LMO1: variants seen among roughly 807,000 people sequenced by gnomAD.
LMO1 encodes rhombotin-1.
In LMO1, 10 loss-of-function variants were observed where a neutral mutation model predicts 18.0. The observed-to-expected ratio is 0.55, with a 90% CI of 0.34 to 0.94. LMO1 has a LOEUF of 0.94. Ranked by LOEUF, LMO1 falls within the 40% of genes least tolerant of loss-of-function variation. The probability of loss-of-function intolerance (pLI) is 0.02; values close to 1 mark genes in which losing one functional copy is unlikely to be tolerated. For synonymous variants in LMO1, 77 were observed against 77.9 expected (o/e 0.99, Z 0.06); for missense variants, 183 against 205.7 (o/e 0.89, Z 0.68).
At chr11:8,266,038 G>C (rs899906759), upstream of LMO1, among the ~76,000 whole-genome samples, 1 of 152,186 alleles carries the variant, frequency 6.6e-6, no homozygotes, top group South Asian at 2.1e-4. Context: ...TGGGGAGTCA[G>C]GGCCCTGTGC....
rs961201669 is a variant in LMO1 at position 8,257,755 on chromosome 11, G to A, written c.25+5583C>T. On this transcript the variant is annotated intron_variant, in intron 1 of 3. Transcript: ENST00000335790. ...GTCTTGGTGATCTGGACGTGGGCGA[G>A]TAGTGAGGTCAGCCTGCCTCCCAGG... Among the ~76,000 whole-genome samples, 6 of 152,246 alleles carry A rather than the reference G, an allele frequency of 3.9e-5. No individual in the cohort carries two copies. In the South Asian group the frequency reaches 1.2e-3, roughly 32 times the overall value.
rs534458134 is a variant in LMO1, at chr11:8,262,963, G to C, written c.25+375C>G. On this transcript the variant is annotated intron_variant, in intron 1 of 3. Transcript: ENST00000335790. The stretch of plus-strand genomic sequence containing the variant: ...GGCGCGAGGGTGATGGCTGCGGTGA[G>C]AGCAGCAGCCTCAGACACGAAATGC... 1.1e-3 allele frequency among the ~76,000 whole-genome samples: 168 copies of C among 152,332 alleles called. 1 individual carries two copies. Among genetic ancestry groups the C allele is most frequent in the Non-Finnish European group, 2.0e-3 (139 of 68,012 alleles).
At chr11:8,266,543 G>A (rs762679556), upstream of LMO1, among the ~76,000 whole-genome samples, 3 of 152,202 alleles carry the variant, frequency 2.0e-5, no homozygotes, top group African/African-American at 4.8e-5. Flanking sequence ...AAATGCCCTC[G>A]AAATGCCTCT....
chr11:8,260,114 C>G (rs886283508), intron 1 of LMO1, among the ~76,000 whole-genome samples: 2 of 152,168 alleles, frequency 1.3e-5, no homozygotes, highest in African/African-American at 4.8e-5. Flanking sequence ...CCCAGTCCCC[C>G]ACAGACCAAA....
At chr11:8,254,825 T>C (rs1419281879) in intron 1 of LMO1, among the ~76,000 whole-genome samples, 1 of 152,210 alleles carries the variant, frequency 6.6e-6, no homozygotes, top group Non-Finnish European at 1.5e-5. Flanking sequence ...GCGCACTGAC[T>C]CTGCAGTCAG....
At chr11:8,258,827 C>T (rs988040677) in intron 1 of LMO1, among the ~76,000 whole-genome samples, 14 of 152,230 alleles carry the variant, frequency 9.2e-5, no homozygotes, top group African/African-American at 2.9e-4. Flanking sequence ...GCAGTTCCCA[C>T]AGCCACAGAG....
At chr11:8,266,746 C>T (rs535192129), upstream of LMO1, among the ~76,000 whole-genome samples, 2 of 152,292 alleles carry the variant, frequency 1.3e-5, no homozygotes, top group Admixed American at 6.5e-5. Context: ...CCTGAGGGCC[C>T]AGGCCGACTA....
At chr11:8,258,225 G>C (rs777634424) in intron 1 of LMO1, among the ~76,000 whole-genome samples, 1 of 152,212 alleles carries the variant, frequency 6.6e-6, no homozygotes, top group Non-Finnish European at 1.5e-5. Context: ...CAATGTCCCT[G>C]ATCAGGGCTT....
intron 1 of LMO1, among the ~76,000 whole-genome samples, chr11:8,262,501 G>C (rs535980435): frequency 6.6e-6 from 1 of 152,304 alleles, no homozygotes; most frequent in Middle Eastern, 3.4e-3. Context: ...GTAAGGCTTT[G>C]GGGTCTATGG....
At chr11:8,227,510 A>T (rs1372255045) in intron 2 of LMO1, among the ~76,000 whole-genome samples, 1 of 152,170 alleles carries the variant, frequency 6.6e-6, no homozygotes, top group African/African-American at 2.4e-5. Context: ...AGCCTCATTT[A>T]CCTCATCTGT....
intron 1 of LMO1, among the ~76,000 whole-genome samples, chr11:8,246,539 G>A (rs1374459646): frequency 6.6e-6 from 1 of 152,172 alleles, no homozygotes; most frequent in African/African-American, 2.4e-5. Context: ...AGGGAGGAAT[G>A]GGGAGTGACT....
intron 1 of LMO1, among the ~76,000 whole-genome samples, chr11:8,252,457 T>G (rs893659198): frequency 6.6e-6 from 1 of 152,228 alleles, no homozygotes; most frequent in African/African-American, 2.4e-5. Context: ...CTCCTGGCAC[T>G]CACACCCTTG....
chr11:8,244,241 C>A lies in LMO1; in HGVS notation c.26-13737G>T, dbSNP rs372766121. On this transcript the variant is annotated intron_variant, in intron 1 of 3. Transcript: ENST00000335790. ...GGGACTCCCCAGCCCCTCCTAGCCCCCAGCTTGGGAGTGGGCTGCTGGCTT... is the reference window on the plus strand; with the variant it reads ...GGGACTCCCCAGCCCCTCCTAGCCCACAGCTTGGGAGTGGGCTGCTGGCTT... Among the ~76,000 whole-genome samples, 7 of 152,318 alleles carry A rather than the reference C, an allele frequency of 4.6e-5. No individual in the cohort carries two copies. The East Asian group carries it at 1.2e-3, about 25-fold the overall frequency.
chr11:8,255,200 A>C (rs1000975223), intron 1 of LMO1, among the ~76,000 whole-genome samples: 1 of 152,184 alleles, frequency 6.6e-6, no homozygotes, highest in Non-Finnish European at 1.5e-5. Context: ...CCTTGGCCTC[A>C]AGAAGCCTTG....
At chr11:8,265,687 C>T (rs558547081), upstream of LMO1, among the ~76,000 whole-genome samples, 38 of 152,146 alleles carry the variant, frequency 2.5e-4, no homozygotes, top group Non-Finnish European at 4.3e-4. Context: ...GCTTTGGCAC[C>T]GCTGCCACCG....
At chr11:8,253,317 C>T (rs1010143453) in intron 1 of LMO1, among the ~76,000 whole-genome samples, 1 of 152,214 alleles carries the variant, frequency 6.6e-6, no homozygotes. Flanking sequence ...CCTGCTCTCA[C>T]CAGTACCCCA....
intron 3 of LMO1, among the ~76,000 whole-genome samples, chr11:8,225,903 AG>A (rs1317680360): frequency 6.6e-6 from 1 of 152,160 alleles, no homozygotes; most frequent in Non-Finnish European, 1.5e-5. Flanking sequence ...TCCTGAGAAG[AG>A]CGCCTGCCTT....
At chr11:8,263,230 C>A in intron 1 of LMO1, 108 bp downstream of exon 1, 1 of 1,072,394 alleles carries the variant, frequency 9.3e-7, no homozygotes, top group Non-Finnish European at 1.2e-6. Flanking sequence ...CCCCGCAATC[C>A]CCGCACAGCC....
upstream of LMO1, chr11:8,268,511 C>T: frequency 7.7e-7 from 1 of 1,295,086 alleles, no homozygotes; most frequent in Non-Finnish European, 9.9e-7. Flanking sequence ...CTCCGACTCC[C>T]GCCGCCGGCC....
Sources: allele counts gnomAD v4.1 joint callset (sites outside exome capture counted in the v4.1 genomes callset), GRCh38; gene constraint gnomAD v4.1.1; transcripts MANE v1.5; gene names NCBI Gene and HGNC (gene_info 2026-07-23, HGNC 2026-07-21).